Variants in TENM2 observed in about 807,000 individuals in gnomAD.
TENM2 encodes teneurin transmembrane protein 2.
In TENM2, 52 loss-of-function variants were observed where a neutral mutation model predicts 245.2. That is an observed-to-expected ratio of 0.21 (90% CI 0.17 to 0.27). The LOEUF is 0.27. TENM2 is among the 10% of genes least tolerant of loss of function. The probability of loss-of-function intolerance (pLI) is 1.00; values close to 1 mark genes in which losing one functional copy is unlikely to be tolerated. For missense variants in TENM2, 3,046 were observed against 3,666.8 expected (o/e 0.83, Z 4.37); for synonymous variants, 1,363 against 1,438.9 (o/e 0.95, Z 1.19).
chr5:167,788,909 G>C (rs975328838), intron 2 of TENM2, among the ~76,000 whole-genome samples: 2 of 152,128 alleles, frequency 1.3e-5, no homozygotes, highest in Non-Finnish European at 2.9e-5. Context: ...CTAGGAAAGT[G>C]AGTCCTAATA....
intron 2 of TENM2, among the ~76,000 whole-genome samples, chr5:167,731,147 C>G (rs1374170426): frequency 1.3e-5 from 2 of 151,528 alleles, no homozygotes; most frequent in African/African-American, 4.9e-5. Context: ...TATTAAAACA[C>G]CAGATAAAAA....
intron 2 of TENM2, among the ~76,000 whole-genome samples, chr5:167,524,506 A>C (rs1560659): frequency 6.6e-6 from 1 of 152,026 alleles, no homozygotes; most frequent in East Asian, 1.9e-4. Context: ...AGCGTTTCTC[A>C]AAATGTAATG....
At chr5:167,290,613 C>T (rs1344273855) in intron 1 of TENM2, among the ~76,000 whole-genome samples, 1 of 152,092 alleles carries the variant, frequency 6.6e-6, no homozygotes, top group Non-Finnish European at 1.5e-5. Context: ...TAGAGTGTGT[C>T]TGACTCTCTA....
At chr5:167,248,348 C>T in the TENM2 span, among the ~76,000 whole-genome samples, 3 of 152,080 alleles carry the variant, frequency 2.0e-5, no homozygotes, top group South Asian at 2.1e-4. Flanking sequence ...TGTGCTGATT[C>T]ACTTCTAAGG....
At chr5:167,057,762 T>A in the TENM2 span, among the ~76,000 whole-genome samples, 2 of 152,168 alleles carry the variant, frequency 1.3e-5, no homozygotes, top group Non-Finnish European at 2.9e-5. Flanking sequence ...AACAGAATGC[T>A]CTGGTGTATT....
the TENM2 span, among the ~76,000 whole-genome samples, chr5:167,232,486 C>T: frequency 6.6e-6 from 1 of 152,050 alleles, no homozygotes; most frequent in Non-Finnish European, 1.5e-5. Flanking sequence ...AATTCTCCTG[C>T]CTCAGCCTCC....
At chr5:167,926,615 G>C (rs1235067419) in intron 3 of TENM2, among the ~76,000 whole-genome samples, 1 of 151,988 alleles carries the variant, frequency 6.6e-6, no homozygotes, top group Non-Finnish European at 1.5e-5. Flanking sequence ...TAGCTACTTG[G>C]GACGCTGAGG....
chr5:167,699,647 T>G (rs1040848695), intron 2 of TENM2, among the ~76,000 whole-genome samples: 4 of 152,122 alleles, frequency 2.6e-5, no homozygotes, highest in Non-Finnish European at 5.9e-5. Flanking sequence ...CCCTGCTGAG[T>G]TTATGGGGCA....
the TENM2 span, among the ~76,000 whole-genome samples, chr5:167,039,877 C>A: frequency 6.6e-6 from 1 of 152,120 alleles, no homozygotes; most frequent in African/African-American, 2.4e-5. Flanking sequence ...ACCTCCTTAG[C>A]TAATGTTCCA....
chr5:167,409,838 ATTG>A (rs1015044642), intron 2 of TENM2, among the ~76,000 whole-genome samples: 4 of 151,904 alleles, frequency 2.6e-5, no homozygotes, highest in African/African-American at 9.7e-5. Flanking sequence ...CCATGATGAA[ATTG>A]TTAACACTGA....
chr5:168,144,624 A>G (rs1010265213), intron 12 of TENM2, among the ~76,000 whole-genome samples: 4 of 151,056 alleles, frequency 2.6e-5, no homozygotes, highest in Admixed American at 6.6e-5. Flanking sequence ...TATTGTGAAT[A>G]ATGCCGCAAT....
At chr5:167,497,918 C>A (rs1037553941) in intron 2 of TENM2, among the ~76,000 whole-genome samples, 1 of 152,006 alleles carries the variant, frequency 6.6e-6, no homozygotes, top group Non-Finnish European at 1.5e-5. Flanking sequence ...TAATATGGTA[C>A]TTCCTCGCTC....
the TENM2 span, among the ~76,000 whole-genome samples, chr5:167,235,918 C>T: frequency 0.21 from 32,432 of 151,922 alleles, 3,993 homozygotes; most frequent in African/African-American, 0.34. Context: ...CGGAAGAGAT[C>T]AGATCTCTTA....
intron 2 of TENM2, among the ~76,000 whole-genome samples, chr5:167,435,975 C>CTTTTTTTTTTTTTTTTT (rs71591181): frequency 4.6e-4 from 38 of 83,116 alleles, no homozygotes; most frequent in South Asian, 7.1e-4. Flanking sequence ...CTTTTTTTTT[C>CTTTTTTTTTTTTTTTTT]TTTTTTTTTT....
chr5:167,221,543 A>G, the TENM2 span, among the ~76,000 whole-genome samples: 2 of 152,114 alleles, frequency 1.3e-5, no homozygotes. Context: ...GCTAATCCCT[A>G]TAGTAGTGAT....
intron 5 of TENM2, among the ~76,000 whole-genome samples, chr5:168,046,619 G>A (rs1788629237): frequency 6.6e-6 from 1 of 152,138 alleles, no homozygotes; most frequent in Admixed American, 6.5e-5. Flanking sequence ...GAGGCCTGGG[G>A]TGCCCATGGG....
At chr5:167,797,421 G>A (rs1765397226) in intron 2 of TENM2, among the ~76,000 whole-genome samples, 1 of 152,112 alleles carries the variant, frequency 6.6e-6, no homozygotes, top group Non-Finnish European at 1.5e-5. Flanking sequence ...TAGCATTTAG[G>A]GAACTTCTTG....
intron 2 of TENM2, among the ~76,000 whole-genome samples, chr5:167,421,946 C>G (rs1763531511): frequency 6.6e-6 from 1 of 152,066 alleles, no homozygotes. Context: ...TGTCTGCCAC[C>G]ACACCCAGCT....
chr5:167,994,147 G>C (rs1032764786), intron 5 of TENM2, among the ~76,000 whole-genome samples: 1 of 152,238 alleles, frequency 6.6e-6, no homozygotes, highest in African/African-American at 2.4e-5. Context: ...TGAAACACTT[G>C]ATGCTTGTGG....
Sources: gnomAD v4.1 joint callset for allele counts (sites outside exome capture counted in the v4.1 genomes callset) on GRCh38, gnomAD v4.1.1 for gene constraint, MANE v1.5 for transcripts, NCBI Gene and HGNC (gene_info 2026-07-23, HGNC 2026-07-21) for gene names.